The following PXYLP1 variants were observed in gnomAD, a reference collection of about 807,000 sequenced individuals.
PXYLP1 encodes acid phosphatase-like 2.
A neutral mutation model predicts 37.9 loss-of-function variants in PXYLP1; 17 were observed. The observed-to-expected ratio is 0.45, with a 90% CI of 0.31 to 0.67. The LOEUF (loss-of-function observed/expected upper bound fraction) is 0.67. Ranked by LOEUF, PXYLP1 falls within the 30% of genes least tolerant of loss-of-function variation. PXYLP1 has a pLI of 0.07. For synonymous variants in PXYLP1, 221 were observed against 232.2 expected, an observed-to-expected ratio of 0.95 and a Z score of 0.44; for missense variants, 511 against 612.0, an observed-to-expected ratio of 0.84 and a Z score of 1.74.
chr3:141,266,301 C>T lies in PXYLP1; in HGVS notation c.79+6047C>T, dbSNP rs79466053. Among the ~76,000 whole-genome samples, 989 of 152,284 alleles carry T rather than the reference C, an allele frequency of 6.5e-3. 12 individuals are homozygous for T. The highest frequency in any genetic ancestry group is 0.022 in the African/African-American group (911 of 41,534). On this transcript the variant is annotated intron_variant, in intron 2 of 5. Transcript: ENST00000286353. ...CCAGACTCTGCAGCAACCTGAGGCC[C>T]ACGGAGCATTACGGGGACCGCTGGC...
At chr3:141,283,150 T>TTA (rs1941993180) in intron 4 of PXYLP1, among the ~76,000 whole-genome samples, 2 of 151,684 alleles carry the variant, frequency 1.3e-5, no homozygotes, top group South Asian at 4.2e-4. Context: ...TATTTTTTTT[T>TTA]TTTTTTATTT....
intron 1 of PXYLP1, among the ~76,000 whole-genome samples, chr3:141,238,656 T>G (rs566943843): frequency 6.7e-6 from 1 of 148,492 alleles, no homozygotes; most frequent in Non-Finnish European, 1.5e-5. Flanking sequence ...CCCCCACAGT[T>G]GAAAATCCAA....
rs1215943774 is a variant in PXYLP1, at chr3:141,248,688, CGTATATACACACACGT to C, written c.-53-11427_-53-11412del. 6.2e-4 allele frequency among the ~76,000 whole-genome samples: 37 copies of C among 59,866 alleles called. 4 individuals carry two copies. The highest frequency in any genetic ancestry group is 1.8e-3 in the Admixed American group (11 of 6,002). The allele number at this position is 59,866 out of a possible 152,430, so 39.3% of individuals were successfully genotyped here. A position where few individuals can be genotyped will look rare whatever the true frequency, so the allele number is the denominator to read the frequency against. On this transcript the variant is annotated intron_variant, in intron 1 of 5. Coordinates refer to ENST00000286353, the MANE Select transcript of PXYLP1 (RefSeq NM_001037172.3). ...ATACACACACGTGTATATATACACA[CGTATATACACACACGT>C]GTATATATACACACGTATATACACA...
In PXYLP1 at chr3:141,242,280, G is replaced by C. The variant is rs540152833; in HGVS notation, c.-54+10369G>C. On this transcript the variant is annotated intron_variant, in intron 1 of 5. Coordinates refer to ENST00000286353, the MANE Select transcript of PXYLP1 (RefSeq NM_001037172.3). ...CCAAATGAGGGCTCGCCTTGCCACAGACTGGCCTGATTAGAGGGGCTGAGT... is the reference window on the plus strand; with the variant it reads ...CCAAATGAGGGCTCGCCTTGCCACACACTGGCCTGATTAGAGGGGCTGAGT... Among the ~76,000 whole-genome samples, 9 of 152,322 alleles carry C rather than the reference G, an allele frequency of 5.9e-5. No homozygotes were observed. In the East Asian group the frequency reaches 1.7e-3, roughly 29 times the overall value.
chr3:141,279,905 C>T (rs1204519902), intron 4 of PXYLP1, among the ~76,000 whole-genome samples: 1 of 152,228 alleles, frequency 6.6e-6, no homozygotes, highest in Non-Finnish European at 1.5e-5. Context: ...GATCACAAGG[C>T]TCCCCATGCA....
chr3:141,236,156 G>A (rs987136742), intron 1 of PXYLP1: 5 of 152,320 alleles, frequency 3.3e-5, no homozygotes, highest in South Asian at 2.1e-4. Context: ...CTGCGTACTC[G>A]AGGGTGGAGG....
At chr3:141,256,205 C>T (rs1024608205) in intron 1 of PXYLP1, among the ~76,000 whole-genome samples, 3 of 152,194 alleles carry the variant, frequency 2.0e-5, no homozygotes, top group African/African-American at 7.2e-5. Flanking sequence ...TACATATCTG[C>T]TCGACCGCAG....
intron 1 of PXYLP1, chr3:141,235,698 C>G (rs1940643773): frequency 6.6e-6 from 1 of 152,246 alleles, no homozygotes; most frequent in South Asian, 2.1e-4. Flanking sequence ...GCTGTGCAGC[C>G]TTGCAGGTAA....
At position 141,268,742 on chromosome 3, in the gene PXYLP1, C is replaced by T. The variant is rs1477879655; in HGVS notation, c.79+8488C>T. On this transcript the variant is annotated intron_variant, in intron 2 of 5. Transcript: ENST00000286353. ...GGACTGCCTCACCATCCTGCCCTCACTACCATCCTGCCCTCCTGCCAGTGC... is the reference window on the plus strand; with the variant it reads ...GGACTGCCTCACCATCCTGCCCTCATTACCATCCTGCCCTCCTGCCAGTGC... Among the ~76,000 whole-genome samples, 6 of 152,312 alleles carry T rather than the reference C, an allele frequency of 3.9e-5. No homozygotes were observed. The East Asian group carries it at 1.2e-3, about 29-fold the overall frequency.
At chr3:141,241,393 G>T (rs1940797472) in intron 1 of PXYLP1, among the ~76,000 whole-genome samples, 1 of 151,900 alleles carries the variant, frequency 6.6e-6, no homozygotes, top group Non-Finnish European at 1.5e-5. Flanking sequence ...CCTGGGGAAG[G>T]TGGGCAAGGA....
At chr3:141,291,501 C>T (rs1300001536) in intron 5 of PXYLP1, 1 of 152,168 alleles carries the variant, frequency 6.6e-6, no homozygotes, top group African/African-American at 2.4e-5. Context: ...AGATTAGTTT[C>T]TTATACAACT....
In PXYLP1 at chr3:141,292,270, G is replaced by C. The variant is rs1227492199; in HGVS notation, c.508G>C (p.Val170Leu). The C allele has an allele frequency of 6.3e-7, 1 of 1,583,576 alleles. No homozygotes were observed. Among genetic ancestry groups the C allele is most frequent in the Non-Finnish European group, 8.6e-7 (1 of 1,165,366 alleles). Residue 170 changes from valine to leucine, a missense_variant and splice_region_variant, in exon 6 of 6, where the codon GTT becomes CTT. Val to Leu is a conservative substitution (Grantham distance 32, BLOSUM62 1). Coordinates refer to ENST00000286353, the MANE Select transcript of PXYLP1 (RefSeq NM_001037172.3). This position sits in a 1 kb window ranked among gnomAD's most constrained non-coding sequence, Gnocchi z 4.3. Reference sequence around the variant, plus strand: ...AGCTTTGTGTGCTTGTGTTTCAGGAGTTGTGCAGCATTTGCAGAACGGTCA... The same window carrying C: ...AGCTTTGTGTGCTTGTGTTTCAGGACTTGTGCAGCATTTGCAGAACGGTCA... ...CEMGELTQTG[V>L]VQHLQNGQLL... is the part of the protein sequence containing the mutation.
chr3:141,232,903 G>T (rs1265286258), intron 1 of PXYLP1, among the ~76,000 whole-genome samples: 1 of 152,098 alleles, frequency 6.6e-6, no homozygotes, highest in Non-Finnish European at 1.5e-5. Flanking sequence ...AGGATCCTTT[G>T]TAAGCATTCA....
At chr3:141,232,289 A>C (rs940134835) in intron 1 of PXYLP1, 2 of 130,534 alleles carry the variant, frequency 1.5e-5, no homozygotes, top group African/African-American at 3.0e-5. Context: ...GCAGCCCCGC[A>C]CTCTCCCGCG....
chr3:141,294,383 T>G lies in PXYLP1; in HGVS notation c.*1178T>G, dbSNP rs916139022. ...TTCATCAGTTTCAAATGGTAAATTCTGATTGATTTTTAAATGCGTTTTTGG... is the reference window on the plus strand; with the variant it reads ...TTCATCAGTTTCAAATGGTAAATTCGGATTGATTTTTAAATGCGTTTTTGG... On this transcript the variant is annotated 3_prime_UTR_variant, in exon 6 of 6. Transcript: ENST00000286353. 9 of 152,340 alleles carry G rather than the reference T, an allele frequency of 5.9e-5. No individual in the cohort carries two copies. The highest frequency in any genetic ancestry group is 2.2e-4 in the African/African-American group (9 of 41,584). The allele number at this position is 152,340 out of a possible 1,614,324, so 9.4% of individuals were successfully genotyped here. A position where few individuals can be genotyped will look rare whatever the true frequency, so the allele number is the denominator to read the frequency against.
chr3:141,288,765 A>C (rs910909845), intron 5 of PXYLP1, among the ~76,000 whole-genome samples: 2 of 152,106 alleles, frequency 1.3e-5, no homozygotes, highest in African/African-American at 4.8e-5. Flanking sequence ...GTGTGGTGGC[A>C]TGTGCCTGTA....
chr3:141,260,214 G>A lies in PXYLP1; in HGVS notation c.39G>A (p.Leu13=). 1 of 1,613,626 alleles carries A rather than the reference G, an allele frequency of 6.2e-7. No individual in the cohort carries two copies. The highest frequency in any genetic ancestry group is 8.5e-7 in the Non-Finnish European group (1 of 1,180,022). ...FRNRFLLLLA[L]AALLAFVSLS... is the part of the protein sequence containing the mutation. ...ACCGCTTCTTGCTGCTGCTGGCCCT[G>A]GCTGCGCTGCTGGCCTTTGTGAGCC... Residue 13 remains leucine, a synonymous_variant, in exon 2 of 6, where the codon CTG becomes CTA. Transcript: ENST00000286353.
Position 141,292,211 on chromosome 3 carries a change from T to C in PXYLP1, c.506-57T>C. The C allele has an allele frequency of 2.0e-6, 3 of 1,509,070 alleles. No individual in the cohort carries two copies. Among genetic ancestry groups the C allele is most frequent in the Non-Finnish European group, 2.7e-6 (3 of 1,121,108 alleles). The allele number at this position is 1,509,070 out of a possible 1,614,324, so 93.5% of individuals were successfully genotyped here. ...AGCCACACGCTGACTCCACCTCCCC[T>C]TGCTGTTTCTTTTGCTCAGCTGGAA... On this transcript the variant is annotated intron_variant, in intron 5 of 5. Coordinates refer to ENST00000286353, the MANE Select transcript of PXYLP1 (RefSeq NM_001037172.3). The surrounding 1 kb of genome is among the most constrained non-coding windows in gnomAD (Gnocchi z 4.3).
chr3:141,253,434 C>G (rs139242032), intron 1 of PXYLP1, among the ~76,000 whole-genome samples: 1 of 152,316 alleles, frequency 6.6e-6, no homozygotes, highest in African/African-American at 2.4e-5. Context: ...AATACCTCCC[C>G]ACCACCTTTA....
Sources: gnomAD v4.1 joint callset for allele counts (sites outside exome capture counted in the v4.1 genomes callset) on GRCh38, gnomAD v4.1.1 for gene constraint, Gnocchi (gnomAD v3.1) non-coding constraint, MANE v1.5 for transcripts, NCBI Gene and HGNC (gene_info 2026-07-23, HGNC 2026-07-21) for gene names.